Variants in SH3TC2 observed in about 807,000 individuals in gnomAD.
SH3TC2 encodes the protein SH3 domain and tetratricopeptide repeat-containing protein 2.
A neutral mutation model predicts 124.5 loss-of-function variants in SH3TC2; 87 were observed. The observed-to-expected ratio is 0.70, with a 90% CI of 0.59 to 0.84. SH3TC2 has a LOEUF of 0.84. Ranked by LOEUF, SH3TC2 falls within the 40% of genes least tolerant of loss-of-function variation. The pLI is 0.00. For synonymous variants in SH3TC2, 634 were observed against 628.5 expected, an observed-to-expected ratio of 1.01 and a Z score of -0.13; for missense variants, 1,536 against 1,566.4, an observed-to-expected ratio of 0.98 and a Z score of 0.33.
chr5:149,001,625 T>C lies in SH3TC2; in HGVS notation c.*3086A>G, dbSNP rs978881647. 6.6e-6 allele frequency: 1 copy of C among 152,248 alleles called. No individual in the cohort carries two copies. The highest frequency in any genetic ancestry group is 2.4e-5 in the African/African-American group (1 of 41,460). The allele number at this position is 152,248 out of a possible 1,614,324, so 9.4% of individuals were successfully genotyped here. On this transcript the variant is annotated 3_prime_UTR_variant, in exon 17 of 17. Coordinates refer to ENST00000515425, the MANE Select transcript of SH3TC2 (RefSeq NM_024577.4). ...TTTTAAACACTTTTTAAAAGAGTTT[T>C]AGCAAGCGGTTTACATATAGAATGT... is the stretch of plus-strand genomic sequence containing the variant.
At chr5:149,021,275 C>A (rs564440572) in intron 12 of SH3TC2, among the ~76,000 whole-genome samples, 1 of 151,876 alleles carries the variant, frequency 6.6e-6, no homozygotes, top group African/African-American at 2.4e-5. Flanking sequence ...TATAAAATGG[C>A]GTAGGCACAA....
chr5:149,016,473 T>C lies in SH3TC2; in HGVS notation c.3054-3739A>G, dbSNP rs549931656. On this transcript the variant is annotated intron_variant, in intron 12 of 16. Transcript: ENST00000515425. ...GGTGGTAGTGTGCATTATAGCCTTG[T>C]GATCAGATGATGACATTTCAGGAAA... 7.8e-4 allele frequency among the ~76,000 whole-genome samples: 119 copies of C among 152,342 alleles called. 1 individual carries two copies. Among genetic ancestry groups the C allele is most frequent in the Non-Finnish European group, 1.5e-3 (105 of 68,034 alleles).
intron 12 of SH3TC2, among the ~76,000 whole-genome samples, chr5:149,020,039 T>C (rs1453357639): frequency 6.6e-6 from 1 of 151,764 alleles, no homozygotes; most frequent in Admixed American, 6.6e-5. Context: ...ATGTCAAAAA[T>C]AATTAGTAGC....
intron 8 of SH3TC2, among the ~76,000 whole-genome samples, chr5:149,037,330 AC>A (rs1254906274): frequency 6.6e-6 from 1 of 151,756 alleles, no homozygotes; most frequent in African/African-American, 2.4e-5. Context: ...AGTTCTCCAT[AC>A]CTCTCCAGGA....
chr5:148,995,538 C>A lies in SH3TC2; in HGVS notation c.*9173G>T, dbSNP rs963661304. 1.3e-5 allele frequency among the ~76,000 whole-genome samples: 2 copies of A among 152,202 alleles called. No homozygotes were observed. The highest frequency in any genetic ancestry group is 2.9e-5 in the Non-Finnish European group (2 of 68,026). Reference sequence around the variant, plus strand: ...AATTATGCTTATTATTCTCAATAAACTTTTGCTGAATACCTGCTATATATG... The same window carrying A: ...AATTATGCTTATTATTCTCAATAAAATTTTGCTGAATACCTGCTATATATG... On this transcript the variant is annotated 3_prime_UTR_variant, in exon 17 of 17. Transcript: ENST00000515425.
At position 149,031,758 on chromosome 5, in the gene SH3TC2, A is replaced by G. The variant is rs555537012; in HGVS notation, c.1002-71T>C. ...AGACTCCATCTCCTCTTCTCTCCAC[A>G]CTAGGATGTAGTGGAGGATGCAGAA... On this transcript the variant is annotated intron_variant, in intron 8 of 16. Coordinates refer to ENST00000515425, the MANE Select transcript of SH3TC2 (RefSeq NM_024577.4). 13 of 1,592,982 alleles carry G rather than the reference A, an allele frequency of 8.2e-6. No homozygotes were observed. The African/African-American group carries it at 1.6e-4, about 20-fold the overall frequency.
rs1034206400 is a variant in SH3TC2 at position 148,989,844 on chromosome 5, A to C, written c.*14867T>G. ...GAGAGAGAAGAACTATATAGCAACC[A>C]GGACATTTGGGAAATGTCCCTATGA... On this transcript the variant is annotated 3_prime_UTR_variant, in exon 17 of 17. Coordinates refer to ENST00000515425, the MANE Select transcript of SH3TC2 (RefSeq NM_024577.4). Among the ~76,000 whole-genome samples, 1 of 152,190 alleles carries C rather than the reference A, an allele frequency of 6.6e-6. No individual in the cohort carries two copies. The highest frequency in any genetic ancestry group is 2.1e-4 in the South Asian group (1 of 4,832).
Position 149,027,283 on chromosome 5 carries a change from C to T in SH3TC2, c.2449G>A (p.Asp817Asn). ...GAGCATAGCAGTGGCTCAAGCACAT[C>T]CAAAGCCTTCTTGGCCTGGCTGGCT... ...LLASQAKKAL[D>N]VLEPLLCSLK... Residue 817 changes from aspartate to asparagine, a missense_variant, in exon 11 of 17, where the codon GAT becomes AAT. Physicochemically the swap from Asp to Asn is conservative, Grantham distance 23 (BLOSUM62 1). Transcript: ENST00000515425. 6.2e-7 allele frequency: 1 copy of T among 1,614,126 alleles called. No homozygotes were observed. The highest frequency in any genetic ancestry group is 8.5e-7 in the Non-Finnish European group (1 of 1,180,046).
In SH3TC2 at chr5:148,988,195, T is replaced by C. The variant is rs1223144529; in HGVS notation, c.*16516A>G. Among the ~76,000 whole-genome samples the C allele has an allele frequency of 6.6e-6, 1 of 152,152 alleles. No individual in the cohort carries two copies. The highest frequency in any genetic ancestry group is 1.9e-4 in the East Asian group (1 of 5,186). ...ATTCAAGAGAACAAGCTAGATTTTA[T>C]GAAAAGTGGGTAACAAAGCATCTTT... On this transcript the variant is annotated 3_prime_UTR_variant, in exon 17 of 17. Coordinates refer to ENST00000515425, the MANE Select transcript of SH3TC2 (RefSeq NM_024577.4).
chr5:149,028,203 T>G lies in SH3TC2; in HGVS notation c.1529A>C (p.Tyr510Ser), dbSNP rs757294130. Residue 510 changes from tyrosine (Y) to serine (S), a missense_variant, in exon 11 of 17, where the codon TAC becomes TCC. By Grantham distance (144) the Tyr-to-Ser change is moderately radical. Coordinates refer to ENST00000515425, the MANE Select transcript of SH3TC2 (RefSeq NM_024577.4). ...SFSEEDEFVA[Y>S]LEASRKWAKK... ...GGCCCACTTTCTTGATGCCTCCAGG[T>G]AGGCCACAAACTCATCCTCCTCAGA... 1.2e-5 allele frequency: 19 copies of G among 1,613,902 alleles called. No homozygotes were observed. The Admixed American group carries it at 2.5e-4, about 21-fold the overall frequency.
At position 149,052,273 on chromosome 5, in the gene SH3TC2, A is replaced by G. The variant is rs1288109973; in HGVS notation, c.53-33T>C. 5 of 1,525,032 alleles carry G rather than the reference A, an allele frequency of 3.3e-6. No homozygotes were observed. The Admixed American group carries it at 5.0e-5, about 15-fold the overall frequency. 94.5% of individuals were successfully genotyped at this position (1,525,032 alleles called of 1,614,324 possible). ...AGATGAAATAAAAGGTCATCTTAAG[A>G]GTGTAAGGAAGTTGAAAGCAAGTTA... is the stretch of plus-strand genomic sequence containing the variant. On this transcript the variant is annotated intron_variant, in intron 1 of 16. Coordinates refer to ENST00000515425, the MANE Select transcript of SH3TC2 (RefSeq NM_024577.4).
chr5:149,013,443 GT>G (rs2127393590), intron 12 of SH3TC2, among the ~76,000 whole-genome samples: 1 of 152,228 alleles, frequency 6.6e-6, no homozygotes, highest in East Asian at 1.9e-4. Flanking sequence ...AGATTACCCA[GT>G]CTCAGGTATG....
At chr5:149,017,432 C>A (rs1434452166) in intron 12 of SH3TC2, among the ~76,000 whole-genome samples, 3 of 152,078 alleles carry the variant, frequency 2.0e-5, no homozygotes, top group Non-Finnish European at 1.5e-5. Context: ...CATGATCCTG[C>A]AGATATTAGA....
Position 149,002,241 on chromosome 5 carries a change from T to C in SH3TC2, c.*2470A>G, listed in dbSNP as rs1430669030. 1 of 152,714 alleles carries C rather than the reference T, an allele frequency of 6.5e-6. No homozygotes were observed. The highest frequency in any genetic ancestry group is 1.5e-5 in the Non-Finnish European group (1 of 68,090). The allele number at this position is 152,714 out of a possible 1,614,324, so 9.5% of individuals were successfully genotyped here. On this transcript the variant is annotated 3_prime_UTR_variant, in exon 17 of 17. Transcript: ENST00000515425. The stretch of plus-strand genomic sequence containing the variant: ...CAGGGCTGTGTGAGCCTTCTTCAAA[T>C]ACACGATATGTAACTGTTCTGGAAT...
chr5:149,052,483 T>A (rs1157478284), intron 1 of SH3TC2, among the ~76,000 whole-genome samples: 1 of 152,166 alleles, frequency 6.6e-6, no homozygotes, highest in African/African-American at 2.4e-5. Context: ...AGATCCCCAT[T>A]CACATATCGA....
intron 4 of SH3TC2, chr5:149,044,243 G>C: frequency 2.6e-6 from 1 of 383,832 alleles, no homozygotes; most frequent in South Asian, 2.2e-5. Flanking sequence ...TCAGTACTTT[G>C]AACTTAGTAG....
At chr5:149,023,017 A>G (rs1345514082) in intron 12 of SH3TC2, among the ~76,000 whole-genome samples, 1 of 152,246 alleles carries the variant, frequency 6.6e-6, no homozygotes, top group African/African-American at 2.4e-5. Flanking sequence ...ATACTTCAAA[A>G]GGCTGAATTT....
rs1047117679 is a variant in SH3TC2 at position 148,999,487 on chromosome 5, C to G, written c.*5224G>C. Among the ~76,000 whole-genome samples, 1 of 152,164 alleles carries G rather than the reference C, an allele frequency of 6.6e-6. No homozygotes were observed. The highest frequency in any genetic ancestry group is 1.9e-4 in the East Asian group (1 of 5,196). On this transcript the variant is annotated 3_prime_UTR_variant, in exon 17 of 17. Transcript: ENST00000515425. Reference sequence around the variant, plus strand: ...CAGAGCCCATTCCCTTGAATTTCTTCCTTCTTTGCCGCTTGTCCACACATC... The same window carrying G: ...CAGAGCCCATTCCCTTGAATTTCTTGCTTCTTTGCCGCTTGTCCACACATC...
chr5:149,057,301 C>T (rs563383527), intron 1 of SH3TC2, among the ~76,000 whole-genome samples: 120 of 152,252 alleles, frequency 7.9e-4, no homozygotes, highest in African/African-American at 2.8e-3. Context: ...TGTCTTTAGC[C>T]TGCTTTCATT....
Sources: allele counts gnomAD v4.1 joint callset (sites outside exome capture counted in the v4.1 genomes callset), GRCh38; gene constraint gnomAD v4.1.1; transcripts MANE v1.5; gene names NCBI Gene and HGNC (gene_info 2026-07-23, HGNC 2026-07-21).